Variants in ZBBX observed in about 807,000 individuals in gnomAD.
ZBBX encodes the protein zinc finger B-box domain containing.
Under a neutral mutation model 108.5 loss-of-function variants are expected in ZBBX, and 101 were observed. That is an observed-to-expected ratio of 0.93 (90% CI 0.79 to 1.10). The LOEUF (loss-of-function observed/expected upper bound fraction) is 1.10. Among genes scored for constraint, ZBBX ranks in the 50% least tolerant of loss-of-function variants. The pLI is 0.00. For missense variants in ZBBX, 1,009 were observed against 941.4 expected (o/e 1.07, Z -0.94); for synonymous variants, 356 against 323.4 (o/e 1.10, Z -1.08).
At chr3:167,225,326 C>T in the ZBBX span, among the ~76,000 whole-genome samples, 4 of 151,936 alleles carry the variant, frequency 2.6e-5, no homozygotes, top group East Asian at 7.8e-4. Context: ...TTGCAAAACA[C>T]TTAAGAAAAT....
the ZBBX span, among the ~76,000 whole-genome samples, chr3:167,190,281 C>A: frequency 1.3e-5 from 2 of 151,704 alleles, no homozygotes; most frequent in African/African-American, 4.8e-5. Flanking sequence ...AAAGTGAAAC[C>A]ATAATTTCAT....
At chr3:167,322,831 C>T (rs1444239792) in intron 11 of ZBBX, among the ~76,000 whole-genome samples, 4 of 152,058 alleles carry the variant, frequency 2.6e-5, no homozygotes, top group Admixed American at 6.6e-5. Context: ...CACCCTCCCA[C>T]GTATCGTTCC....
At chr3:167,207,733 G>C in the ZBBX span, among the ~76,000 whole-genome samples, 1 of 152,116 alleles carries the variant, frequency 6.6e-6, no homozygotes, top group African/African-American at 2.4e-5. Context: ...TAGAATAATA[G>C]GAACCTGGGG....
chr3:167,404,774 C>A (rs2108645379), intron 1 of ZBBX, among the ~76,000 whole-genome samples: 1 of 152,250 alleles, frequency 6.6e-6, no homozygotes, highest in Non-Finnish European at 1.5e-5. Flanking sequence ...AATAATATGA[C>A]CAGATTTGCT....
intron 12 of ZBBX, among the ~76,000 whole-genome samples, chr3:167,319,811 T>C (rs1295704482): frequency 6.6e-6 from 1 of 152,010 alleles, no homozygotes; most frequent in Non-Finnish European, 1.5e-5. Context: ...AATTAATAAA[T>C]ATATTATAGA....
chr3:167,309,427 C>T (rs1734209505), intron 16 of ZBBX, among the ~76,000 whole-genome samples: 2 of 152,226 alleles, frequency 1.3e-5, no homozygotes, highest in African/African-American at 4.8e-5. Context: ...TCCATGAGTG[C>T]TCTGCCTCTG....
chr3:167,359,944 T>C lies in ZBBX; in HGVS notation c.358A>G (p.Asn120Asp), dbSNP rs1318529541. 1.3e-6 allele frequency: 2 copies of C among 1,592,952 alleles called. No homozygotes were observed. Among genetic ancestry groups the C allele is most frequent in the Non-Finnish European group, 1.7e-6 (2 of 1,168,360 alleles). Residue 120 changes from asparagine (N) to aspartate (D), a missense_variant, in exon 8 of 22, where the codon AAT (asparagine) becomes GAT (aspartate). Asn to Asp is a conservative substitution (Grantham distance 23). Coordinates refer to ENST00000675490, the MANE Select transcript of ZBBX (RefSeq NM_001199201.2). The part of the protein sequence containing the change: ...VKPTVNYKMA[N>D]SSECEKPKIN... ...TTGGGTTTTTCACATTCTGAAGAAT[T>C]TGCCATTTTATAATTAACTGTTGGT...
At chr3:167,236,645 T>C (rs1256829380), downstream of ZBBX, among the ~76,000 whole-genome samples, 1 of 151,676 alleles carries the variant, frequency 6.6e-6, no homozygotes, top group Non-Finnish European at 1.5e-5. Flanking sequence ...TTTGGGAAAA[T>C]GTAGGGACCG....
At chr3:167,323,859 T>C (rs1274804581) in intron 11 of ZBBX, among the ~76,000 whole-genome samples, 1 of 152,076 alleles carries the variant, frequency 6.6e-6, no homozygotes, top group South Asian at 2.1e-4. Flanking sequence ...TCTGAGATAA[T>C]GGACTTCAGA....
the ZBBX span, among the ~76,000 whole-genome samples, chr3:167,180,121 G>A: frequency 3.9e-5 from 6 of 152,238 alleles, no homozygotes; most frequent in African/African-American, 1.4e-4. Context: ...AACACCAGTA[G>A]GTGAATGCTG....
chr3:167,209,142 T>C, the ZBBX span, among the ~76,000 whole-genome samples: 1 of 152,236 alleles, frequency 6.6e-6, no homozygotes, highest in Admixed American at 6.5e-5. Flanking sequence ...AGTTCAGCCT[T>C]AGAAGAATAG....
chr3:167,262,208 G>A (rs1342313160), intron 20 of ZBBX, among the ~76,000 whole-genome samples: 4 of 5,874 alleles, frequency 6.8e-4, no homozygotes, highest in African/African-American at 8.2e-3. Flanking sequence ...TTGTGGGTCG[G>A]GGGGGGCGTC....
chr3:167,306,197 G>T (rs1733614065), intron 16 of ZBBX, among the ~76,000 whole-genome samples: 1 of 152,062 alleles, frequency 6.6e-6, no homozygotes, highest in Admixed American at 6.6e-5. Flanking sequence ...ATTTTATTTT[G>T]CAATGAAATC....
At chr3:167,296,821 A>G (rs1731766595) in intron 18 of ZBBX, among the ~76,000 whole-genome samples, 1 of 152,032 alleles carries the variant, frequency 6.6e-6, no homozygotes, top group Non-Finnish European at 1.5e-5. Flanking sequence ...TACACATTCA[A>G]TATAATCCCT....
rs148185150 is a variant in ZBBX at position 167,259,342 on chromosome 3, G to A, written c.2255-16699C>T. Reference sequence around the variant, plus strand: ...ATCTCCTGTTTCATTTCTTAGTGAGGTTATTTGGATTTTCTCTCTTCTTTT... The same window carrying A: ...ATCTCCTGTTTCATTTCTTAGTGAGATTATTTGGATTTTCTCTCTTCTTTT... On this transcript the variant is annotated intron_variant, in intron 20 of 21. Coordinates refer to ENST00000675490, the MANE Select transcript of ZBBX (RefSeq NM_001199201.2). Among the ~76,000 whole-genome samples, 999 of 152,124 alleles carry A rather than the reference G, an allele frequency of 6.6e-3. 9 individuals are homozygous for A. The highest frequency in any genetic ancestry group is 8.7e-3 in the Non-Finnish European group (589 of 67,976).
At chr3:167,282,545 G>A (rs1315765874) in intron 19 of ZBBX, 50 bp from the exon 20 acceptor site, 1 of 1,488,984 alleles carries the variant, frequency 6.7e-7, no homozygotes, top group Non-Finnish European at 9.2e-7. Flanking sequence ...AAATTTGAAT[G>A]AGTACTTAAA....
chr3:167,337,274 T>C (rs1739713479), intron 9 of ZBBX, among the ~76,000 whole-genome samples: 1 of 152,104 alleles, frequency 6.6e-6, no homozygotes, highest in South Asian at 2.1e-4. Context: ...TTCGAACACT[T>C]TGTGAGGCCG....
intron 6 of ZBBX, among the ~76,000 whole-genome samples, chr3:167,362,125 A>G (rs1037621446): frequency 6.6e-6 from 1 of 152,166 alleles, no homozygotes; most frequent in Non-Finnish European, 1.5e-5. Flanking sequence ...ACATGCTTAC[A>G]CAAACACACA....
chr3:167,275,711 C>T lies in ZBBX; in HGVS notation c.2254+6527G>A, dbSNP rs553813145. On this transcript the variant is annotated intron_variant, in intron 20 of 21. Coordinates refer to ENST00000675490, the MANE Select transcript of ZBBX (RefSeq NM_001199201.2). ...GCAGCGAGGCTGGGGGAGGGGTGCC[C>T]GCCATTGCCCAGGCTTGCTTAGGTA... 6.2e-3 allele frequency among the ~76,000 whole-genome samples: 948 copies of T among 152,294 alleles called. 7 individuals carry two copies. Among genetic ancestry groups the T allele is most frequent in the African/African-American group, 0.02 (845 of 41,570 alleles).
Sources: gnomAD v4.1 joint callset for allele counts (sites outside exome capture counted in the v4.1 genomes callset) on GRCh38, gnomAD v4.1.1 for gene constraint, MANE v1.5 for transcripts, NCBI Gene and HGNC (gene_info 2026-07-23, HGNC 2026-07-21) for gene names.